Variants in DHX9 observed in about 807,000 individuals in gnomAD.
DHX9 encodes DExH-box helicase 9.
DHX9 carries 27 observed loss-of-function variants against 148.7 expected under a neutral mutation model. The ratio of observed to expected loss-of-function variants is 0.18; its 90% CI spans 0.13 to 0.25. DHX9 has a LOEUF of 0.25. DHX9 is among the 10% of genes least tolerant of loss of function. The pLI is 1.00. For synonymous variants in DHX9, 529 were observed against 516.6 expected, an observed-to-expected ratio of 1.02 and a Z score of -0.33; for missense variants, 796 against 1,559.6, an observed-to-expected ratio of 0.51 and a Z score of 8.25.
chr1:182,848,206 A>AT (rs1668067000), intron 3 of DHX9, among the ~76,000 whole-genome samples: 1 of 152,142 alleles, frequency 6.6e-6, no homozygotes, highest in South Asian at 2.1e-4. Flanking sequence ...TCAATGCTTT[A>AT]TTTTTCTCCG....
At chr1:182,844,787 G>A (rs1168355308) in intron 3 of DHX9, among the ~76,000 whole-genome samples, 1 of 152,174 alleles carries the variant, frequency 6.6e-6, no homozygotes, top group Non-Finnish European at 1.5e-5. Context: ...AAAGTGCTGG[G>A]ATTACAGGTG....
At chr1:182,853,485 A>G in intron 5 of DHX9, 67 bp downstream of exon 5, 6 of 1,180,642 alleles carry the variant, frequency 5.1e-6, no homozygotes, top group East Asian at 2.4e-5. Context: ...AGCAAAGCTT[A>G]GGATTAGGAT....
At chr1:182,872,623 A>G in intron 15 of DHX9, 130 bp downstream of exon 15, 1 of 1,052,722 alleles carries the variant, frequency 9.5e-7, no homozygotes, top group Non-Finnish European at 1.4e-6. Flanking sequence ...CAAATGTATC[A>G]TAGCATTTTT....
chr1:182,876,935 C>T (rs2102616341), intron 19 of DHX9, 32 bp downstream of exon 19: 3 of 1,517,768 alleles, frequency 2.0e-6, no homozygotes, highest in East Asian at 2.3e-5. Flanking sequence ...TTGTCTGCTC[C>T]AGTGTTACTA....
intron 3 of DHX9, among the ~76,000 whole-genome samples, chr1:182,847,985 T>A (rs557704139): frequency 6.6e-6 from 1 of 152,330 alleles, no homozygotes; most frequent in South Asian, 2.1e-4. Flanking sequence ...TGTTTTAACA[T>A]GGCTCAGGTG....
intron 8 of DHX9, 94 bp downstream of exon 8, chr1:182,858,334 C>A: frequency 7.0e-7 from 1 of 1,428,976 alleles, no homozygotes; most frequent in African/African-American, 1.4e-5. Flanking sequence ...TTTTAAGAAT[C>A]TTACCTCAGG....
At chr1:182,868,930 T>C (rs541688062) in intron 14 of DHX9, among the ~76,000 whole-genome samples, 1 of 152,348 alleles carries the variant, frequency 6.6e-6, no homozygotes, top group Non-Finnish European at 1.5e-5. Context: ...AAATTTTTGC[T>C]CTTTTGTCCT....
At chr1:182,859,204 C>T in intron 11 of DHX9, 87 bp downstream of exon 11, 1 of 1,241,238 alleles carries the variant, frequency 8.1e-7, no homozygotes, top group Non-Finnish European at 1.2e-6. Context: ...GTACATTTTG[C>T]CCTTTTAAGG....
rs1668106876 is a variant in DHX9, at chr1:182,850,054, T to G, written c.253-2179T>G. Among the ~76,000 whole-genome samples, 3 of 149,342 alleles carry G rather than the reference T, an allele frequency of 2.0e-5. No individual in the cohort carries two copies. The South Asian group carries it at 6.7e-4, about 33-fold the overall frequency. Reference sequence around the variant, plus strand: ...ATAACATCCTCCAACCCATCAAAATTTTTCTGTCTTCTCTGGCACTGGATT... The same window carrying G: ...ATAACATCCTCCAACCCATCAAAATGTTTCTGTCTTCTCTGGCACTGGATT... On this transcript the variant is annotated intron_variant, in intron 3 of 27. Transcript: ENST00000367549.
At chr1:182,879,687 T>C (rs1649001632) in intron 21 of DHX9, among the ~76,000 whole-genome samples, 1 of 152,194 alleles carries the variant, frequency 6.6e-6, no homozygotes, top group African/African-American at 2.4e-5. Context: ...GAACATAACT[T>C]ACTCATGATA....
chr1:182,869,626 CTT>C (rs1235033897), intron 14 of DHX9, among the ~76,000 whole-genome samples: 5 of 152,268 alleles, frequency 3.3e-5, no homozygotes, highest in African/African-American at 1.2e-4. Flanking sequence ...CCAGTCCAGT[CTT>C]GTCTTGGAGT....
chr1:182,858,753 A>G lies in DHX9; in HGVS notation c.921A>G (p.Pro307=), dbSNP rs1437088164. 1.9e-6 allele frequency: 3 copies of G among 1,614,116 alleles called. No homozygotes were observed. Among genetic ancestry groups the G allele is most frequent in the East Asian group, 2.2e-5 (1 of 44,872 alleles). ...AATAGCCTGAAGATCCTTCTGTGCC[A>G]GTTGCACTCAACATTGGCAAATTGG... The part of the protein sequence containing the change: ...ILPPPEDPSV[P]VALNIGKLAQ... Residue 307 remains proline (P), a synonymous_variant, in exon 10 of 28, where the codon CCA becomes CCG. Transcript: ENST00000367549.
chr1:182,856,407 A>G (rs1557968576), intron 6 of DHX9, 125 bp from the exon 7 acceptor site: 9 of 713,256 alleles, frequency 1.3e-5, no homozygotes, highest in Admixed American at 2.5e-5. Flanking sequence ...GCAGAAATAA[A>G]TGTTGGTAAT....
intron 24 of DHX9, 121 bp from the exon 25 acceptor site, chr1:182,883,018 G>T: frequency 3.0e-6 from 2 of 676,056 alleles, no homozygotes; most frequent in Non-Finnish European, 5.2e-6. Context: ...AAGTTTTACA[G>T]ACAGGTTATG....
At chr1:182,857,755 C>A (rs1571305145) in intron 7 of DHX9, among the ~76,000 whole-genome samples, 1 of 152,156 alleles carries the variant, frequency 6.6e-6, no homozygotes, top group Non-Finnish European at 1.5e-5. Context: ...ATTACTTTTA[C>A]TGGTTTATTT....
intron 2 of DHX9, among the ~76,000 whole-genome samples, chr1:182,842,919 G>A (rs1667957811): frequency 6.6e-6 from 1 of 152,198 alleles, no homozygotes; most frequent in Admixed American, 6.5e-5. Flanking sequence ...CAGTAGTGGG[G>A]ATGGGAAAAG....
In DHX9 at chr1:182,887,440, G is replaced by C. The variant is rs1207647890; in HGVS notation, c.*6G>C. ...GAGGAGGTGGCGGCTATTAAAACTT[G>C]GTTATGTCAGTTCCTGTGTGTAGAC... On this transcript the variant is annotated 3_prime_UTR_variant, in exon 28 of 28. Transcript: ENST00000367549. 1.2e-6 allele frequency: 2 copies of C among 1,610,292 alleles called. No individual in the cohort carries two copies. The highest frequency in any genetic ancestry group is 2.7e-5 in the African/African-American group (2 of 74,764).
At chr1:182,873,885 A>C (rs1178060355) in intron 15 of DHX9, among the ~76,000 whole-genome samples, 1 of 152,206 alleles carries the variant, frequency 6.6e-6, no homozygotes, top group Non-Finnish European at 1.5e-5. Flanking sequence ...TTGTCCCTTA[A>C]AGTAAGGAGG....
chr1:182,877,985 CAT>C (rs561986149), intron 19 of DHX9, 34 bp from the exon 20 acceptor site: 41 of 1,611,396 alleles, frequency 2.5e-5, no homozygotes, highest in African/African-American at 4.0e-5. Context: ...TGATAATACA[CAT>C]GAGTCTTAGA....
Sources: gnomAD v4.1 joint callset for allele counts (sites outside exome capture counted in the v4.1 genomes callset) on GRCh38, gnomAD v4.1.1 for gene constraint, MANE v1.5 for transcripts, NCBI Gene and HGNC (gene_info 2026-07-23, HGNC 2026-07-21) for gene names.